The following MGAT4C variants were observed in gnomAD, a reference collection of about 807,000 sequenced individuals.
The protein encoded by MGAT4C is MGAT4 family member C.
A neutral mutation model predicts 40.1 loss-of-function variants in MGAT4C; 19 were observed. The observed-to-expected ratio is 0.47, with a 90% CI of 0.33 to 0.70. The LOEUF is 0.70. Among genes scored for constraint, MGAT4C ranks in the 30% least tolerant of loss-of-function variants. The pLI is 0.02. For missense variants in MGAT4C, 491 were observed against 563.2 expected (o/e 0.87, Z 1.30); for synonymous variants, 181 against 187.1 (o/e 0.97, Z 0.27).
intron 2 of MGAT4C, among the ~76,000 whole-genome samples, chr12:86,522,898 T>C (rs1265744308): frequency 2.0e-5 from 3 of 152,160 alleles, no homozygotes; most frequent in Non-Finnish European, 2.9e-5. Context: ...ATAGAGGCAT[T>C]CATAATATTG....
chr12:86,628,950 C>T (rs1407241311), intron 2 of MGAT4C, among the ~76,000 whole-genome samples: 2 of 151,992 alleles, frequency 1.3e-5, no homozygotes, highest in Non-Finnish European at 2.9e-5. Flanking sequence ...CACAGACTGG[C>T]AAACTGGATA....
At chr12:86,162,225 C>T (rs1316420230) in intron 1 of MGAT4C, among the ~76,000 whole-genome samples, 1 of 152,068 alleles carries the variant, frequency 6.6e-6, no homozygotes, top group Non-Finnish European at 1.5e-5. Context: ...TTCAAAATAG[C>T]AAAGACATGA....
intron 1 of MGAT4C, among the ~76,000 whole-genome samples, chr12:86,833,983 A>G (rs1342986023): frequency 6.6e-6 from 1 of 151,874 alleles, no homozygotes; most frequent in Non-Finnish European, 1.5e-5. Flanking sequence ...AGGTTCACCC[A>G]TATTGTCATA....
intron 4 of MGAT4C, among the ~76,000 whole-genome samples, chr12:86,315,477 T>G (rs1191347105): frequency 1.3e-5 from 2 of 151,332 alleles, no homozygotes; most frequent in Non-Finnish European, 2.9e-5. Context: ...CCGAGGCGGG[T>G]GGATCACGAG....
At chr12:86,109,462 C>T (rs1396938738) in intron 1 of MGAT4C, among the ~76,000 whole-genome samples, 1 of 151,924 alleles carries the variant, frequency 6.6e-6, no homozygotes, top group Non-Finnish European at 1.5e-5. Flanking sequence ...CTTATCAATG[C>T]TATCTATAAG....
rs73387872 is a variant in MGAT4C, at chr12:86,464,878, T to C, written c.-228-29613A>G. ...ATGACTTCTATGTAAGAGTTCATTA[T>C]TCATATATGAATAATGCATTATATT... On this transcript the variant is annotated intron_variant, in intron 2 of 7. Transcript: ENST00000548651. Among the ~76,000 whole-genome samples the C allele has an allele frequency of 3.3e-3, 495 of 152,262 alleles. 2 individuals are homozygous for C. Among genetic ancestry groups the C allele is most frequent in the African/African-American group, 0.012 (482 of 41,578 alleles).
intron 2 of MGAT4C, among the ~76,000 whole-genome samples, chr12:86,489,517 A>C (rs1331339233): frequency 6.6e-6 from 1 of 152,214 alleles, no homozygotes; most frequent in Non-Finnish European, 1.5e-5. Flanking sequence ...TGAGCTGATA[A>C]CACACTGCTA....
At chr12:86,701,237 T>G (rs146080695) in intron 2 of MGAT4C, among the ~76,000 whole-genome samples, 1 of 152,262 alleles carries the variant, frequency 6.6e-6, no homozygotes, top group African/African-American at 2.4e-5. Flanking sequence ...GATGTTACTT[T>G]TTTTTTTACA....
chr12:86,158,618 A>G (rs1885248279), intron 1 of MGAT4C, among the ~76,000 whole-genome samples: 1 of 152,166 alleles, frequency 6.6e-6, no homozygotes, highest in African/African-American at 2.4e-5. Context: ...ACTGTAAACT[A>G]TTGCATATAA....
chr12:86,664,246 T>G (rs1964047217), intron 2 of MGAT4C, among the ~76,000 whole-genome samples: 1 of 151,976 alleles, frequency 6.6e-6, no homozygotes. Context: ...TTTATACTAC[T>G]TTCTCTCTCA....
intron 1 of MGAT4C, among the ~76,000 whole-genome samples, chr12:86,214,248 C>T (rs1463972099): frequency 6.6e-6 from 1 of 152,150 alleles, no homozygotes; most frequent in Non-Finnish European, 1.5e-5. Context: ...TTCTTCTGGA[C>T]TATGTGGGTC....
At position 86,315,871 on chromosome 12, in the gene MGAT4C, ACT is replaced by A. The variant is rs1001598137; in HGVS notation, c.-57+18192_-57+18193del. ...AGTGGTACCTCATTAAACTAAAGAG[ACT>A]CTGCACAGCAAAAGAAACGATTAAC... is the stretch of plus-strand genomic sequence containing the variant. On this transcript the variant is annotated intron_variant, in intron 4 of 7. Transcript: ENST00000548651. 3.9e-5 allele frequency among the ~76,000 whole-genome samples: 6 copies of A among 151,960 alleles called. No homozygotes were observed. In the East Asian group the frequency reaches 5.8e-4, roughly 15 times the overall value.
intron 1 of MGAT4C, among the ~76,000 whole-genome samples, chr12:86,225,596 C>A (rs997594058): frequency 6.6e-6 from 1 of 151,930 alleles, no homozygotes; most frequent in African/African-American, 2.4e-5. Context: ...GACAATGCAC[C>A]ATGATAAAGT....
At chr12:86,776,256 TG>T (rs1484328668) in intron 1 of MGAT4C, among the ~76,000 whole-genome samples, 1 of 151,976 alleles carries the variant, frequency 6.6e-6, no homozygotes, top group Non-Finnish European at 1.5e-5. Flanking sequence ...AGAGCAGAAA[TG>T]GGAATGATAA....
intron 2 of MGAT4C, among the ~76,000 whole-genome samples, chr12:86,584,990 A>G (rs923361937): frequency 1.3e-5 from 2 of 151,368 alleles, no homozygotes; most frequent in African/African-American, 4.8e-5. Flanking sequence ...GTATTTGTCA[A>G]TTAGTGAAAA....
chr12:86,393,583 GT>G (rs1956194838), intron 3 of MGAT4C, among the ~76,000 whole-genome samples: 1 of 152,148 alleles, frequency 6.6e-6, no homozygotes, highest in South Asian at 2.1e-4. Flanking sequence ...TAACTCAATT[GT>G]TTTTAGAGAT....
chr12:86,278,277 C>G (rs1953128057), intron 4 of MGAT4C, among the ~76,000 whole-genome samples: 1 of 146,678 alleles, frequency 6.8e-6, no homozygotes, highest in African/African-American at 2.5e-5. Context: ...CTCCTGGATT[C>G]AAGTGATTCT....
At chr12:86,282,556 T>G (rs1185798901) in intron 4 of MGAT4C, among the ~76,000 whole-genome samples, 1 of 152,046 alleles carries the variant, frequency 6.6e-6, no homozygotes, top group Non-Finnish European at 1.5e-5. Flanking sequence ...GGTATACCAG[T>G]CATAGGTATT....
intron 4 of MGAT4C, among the ~76,000 whole-genome samples, chr12:86,319,349 C>T (rs142711228): frequency 4.7e-4 from 71 of 152,208 alleles, no homozygotes; most frequent in Non-Finnish European, 9.1e-4. Context: ...TGTACTGATA[C>T]CCCACATACA....
Sources: allele counts gnomAD v4.1 joint callset (sites outside exome capture counted in the v4.1 genomes callset), GRCh38; gene constraint gnomAD v4.1.1; transcripts MANE v1.5; gene names NCBI Gene and HGNC (gene_info 2026-07-23, HGNC 2026-07-21).